Variants in TBC1D30 observed in about 807,000 individuals in gnomAD.
TBC1D30 encodes TBC1 domain family member 30.
TBC1D30 carries 31 observed loss-of-function variants against 63.2 expected under a neutral mutation model. The observed-to-expected ratio is 0.49, with a 90% confidence interval of 0.37 to 0.66. The LOEUF is 0.66. TBC1D30 is among the 30% of genes least tolerant of loss of function. The pLI is 0.00. For synonymous variants in TBC1D30, 307 were observed against 361.5 expected, an observed-to-expected ratio of 0.85 and a Z score of 1.71; for missense variants, 810 against 953.6, an observed-to-expected ratio of 0.85 and a Z score of 1.98.
upstream of TBC1D30, among the ~76,000 whole-genome samples, chr12:64,821,742 A>G (rs1191700285): frequency 6.6e-6 from 1 of 152,244 alleles, no homozygotes; most frequent in African/African-American, 2.4e-5. Context: ...ATTAAAATTA[A>G]TACAAAGCTG....
intron 2 of TBC1D30, among the ~76,000 whole-genome samples, chr12:64,786,580 A>T (rs2136296935): frequency 6.6e-6 from 1 of 152,172 alleles, no homozygotes; most frequent in East Asian, 1.9e-4. Flanking sequence ...ATCTCAGGTG[A>T]TTCACCCTTC....
chr12:64,864,269 A>G (rs2136458379), intron 8 of TBC1D30, among the ~76,000 whole-genome samples: 1 of 152,362 alleles, frequency 6.6e-6, no homozygotes, highest in East Asian at 1.9e-4. Flanking sequence ...TTAAATGTCT[A>G]AAAATCATCT....
At chr12:64,806,713 G>T (rs1344475390) in intron 2 of TBC1D30, among the ~76,000 whole-genome samples, 2 of 152,194 alleles carry the variant, frequency 1.3e-5, no homozygotes, top group African/African-American at 4.8e-5. Flanking sequence ...GTCTCAAAGA[G>T]ATATTTGCAC....
intron 5 of TBC1D30, among the ~76,000 whole-genome samples, chr12:64,835,042 TG>T (rs1203655245): frequency 6.6e-6 from 1 of 152,066 alleles, no homozygotes; most frequent in African/African-American, 2.4e-5. Flanking sequence ...ATCCATAGAG[TG>T]CTAGGTTCCT....
chr12:64,815,453 T>A (rs1187633791), intron 2 of TBC1D30, among the ~76,000 whole-genome samples: 1 of 152,206 alleles, frequency 6.6e-6, no homozygotes, highest in African/African-American at 2.4e-5. Flanking sequence ...AAAAAGACGT[T>A]TTTAAAAGGA....
rs551668207 is a variant in TBC1D30 at position 64,877,584 on chromosome 12, T to C, written c.*1796T>C. On this transcript the variant is annotated 3_prime_UTR_variant, in exon 12 of 12. Transcript: ENST00000539867. Reference sequence around the variant, plus strand: ...AGTTTTGGTCTTGAATTCTGTGCCATCTGAAGTTAGCATCCAGCTTCTTAA... The same window carrying C: ...AGTTTTGGTCTTGAATTCTGTGCCACCTGAAGTTAGCATCCAGCTTCTTAA... The C allele has an allele frequency of 6.6e-6, 1 of 152,300 alleles. No homozygotes were observed. Among genetic ancestry groups the C allele is most frequent in the South Asian group, 2.1e-4 (1 of 4,824 alleles). 9.4% of individuals were successfully genotyped at this position (152,300 alleles called of 1,614,324 possible). A position where few individuals can be genotyped will look rare whatever the true frequency, so the allele number is the denominator to read the frequency against.
chr12:64,765,848 A>AC (rs1870694591), intron 1 of TBC1D30, among the ~76,000 whole-genome samples: 6 of 148,310 alleles, frequency 4.0e-5, no homozygotes, highest in African/African-American at 1.2e-4. Flanking sequence ...AAAAAAAAAA[A>AC]TACAATACAC....
intron 8 of TBC1D30, among the ~76,000 whole-genome samples, chr12:64,853,537 T>C (rs1347189438): frequency 3.3e-5 from 5 of 151,914 alleles, no homozygotes; most frequent in Non-Finnish European, 7.4e-5. Flanking sequence ...CACTGGGGTA[T>C]GAAAAAAAAA....
chr12:64,850,664 G>A (rs1876786098), intron 8 of TBC1D30, among the ~76,000 whole-genome samples: 2 of 152,198 alleles, frequency 1.3e-5, no homozygotes. Flanking sequence ...TGTGCTGCTG[G>A]ATTTGGTTTG....
intron 10 of TBC1D30, among the ~76,000 whole-genome samples, chr12:64,867,184 G>A (rs2136465815): frequency 6.6e-6 from 1 of 152,156 alleles, no homozygotes; most frequent in East Asian, 1.9e-4. Context: ...GTCATTACTA[G>A]GCTGGGTGTG....
intron 2 of TBC1D30, chr12:64,787,292 C>A: frequency 1.3e-6 from 1 of 765,896 alleles, no homozygotes; most frequent in Non-Finnish European, 1.6e-6. Context: ...ATTCTCCATG[C>A]AATAGCCTTA....
intron 2 of TBC1D30, among the ~76,000 whole-genome samples, chr12:64,805,419 TG>T (rs754186353): frequency 4.6e-5 from 7 of 152,200 alleles, no homozygotes; most frequent in African/African-American, 1.7e-4. Context: ...TGAACAGTAT[TG>T]GGCTGTGGGT....
intron 1 of TBC1D30, among the ~76,000 whole-genome samples, chr12:64,761,287 C>T (rs1870501447): frequency 6.6e-6 from 1 of 152,082 alleles, no homozygotes; most frequent in South Asian, 2.1e-4. Flanking sequence ...AGATTATAAA[C>T]TATTTGAGGC....
rs114310003 is a variant in TBC1D30, at chr12:64,853,020, C to T, written c.1038+9535C>T. 6.8e-3 allele frequency among the ~76,000 whole-genome samples: 1,036 copies of T among 152,268 alleles called. 13 individuals are homozygous for T. The highest frequency in any genetic ancestry group is 0.023 in the African/African-American group (938 of 41,562). On this transcript the variant is annotated intron_variant, in intron 8 of 11. Coordinates refer to ENST00000539867, the MANE Select transcript of TBC1D30 (RefSeq NM_015279.2). Reference sequence around the variant, plus strand: ...CCCTTGGTAGAGCTCGAGCACTGTGCGGAGAGATCCACTGCTCTCTTCAGA... The same window carrying T: ...CCCTTGGTAGAGCTCGAGCACTGTGTGGAGAGATCCACTGCTCTCTTCAGA...
Position 64,875,057 on chromosome 12 carries a change from A to G in TBC1D30, c.1555A>G (p.Asn519Asp). 6.5e-7 allele frequency: 1 copy of G among 1,536,770 alleles called. No homozygotes were observed. Among genetic ancestry groups the G allele is most frequent in the Non-Finnish European group, 8.7e-7 (1 of 1,147,052 alleles). ...TCAGGTAAACAGTTCTCCAGTTATA[A>G]ACCACCTTCTTTTAGGAAAGAAGAT... Reference protein sequence around the residue: ...PSQVNSSPVINHLLLGKKMKM... With the variant: ...PSQVNSSPVIDHLLLGKKMKM... Residue 519 changes from asparagine to aspartate, a missense_variant, in exon 12 of 12, where the codon AAC becomes GAC. Physicochemically the swap from Asn to Asp is conservative, Grantham distance 23. Transcript: ENST00000539867.
At chr12:64,792,001 C>T (rs1435791087) in intron 2 of TBC1D30, among the ~76,000 whole-genome samples, 1 of 152,124 alleles carries the variant, frequency 6.6e-6, no homozygotes, top group Non-Finnish European at 1.5e-5. Flanking sequence ...CATAACTTTT[C>T]ACATTTGCAG....
chr12:64,791,499 T>TTTG (rs763200771), intron 2 of TBC1D30, among the ~76,000 whole-genome samples: 2 of 152,012 alleles, frequency 1.3e-5, no homozygotes, highest in South Asian at 2.1e-4. Context: ...CAAGTGATGT[T>TTTG]TTGTTGTTGT....
chr12:64,866,967 T>G, intron 10 of TBC1D30, 64 bp downstream of exon 10: 1 of 1,505,166 alleles, frequency 6.6e-7, no homozygotes, highest in South Asian at 1.2e-5. Flanking sequence ...AAGAGTGATA[T>G]TGTGTCCTAT....
At chr12:64,872,293 G>T (rs1039125420) in intron 11 of TBC1D30, among the ~76,000 whole-genome samples, 5 of 152,180 alleles carry the variant, frequency 3.3e-5, no homozygotes, top group Non-Finnish European at 5.9e-5. Context: ...CTCCCAAAGT[G>T]CTGGGATTAC....
Sources: allele counts gnomAD v4.1 joint callset (sites outside exome capture counted in the v4.1 genomes callset), GRCh38; gene constraint gnomAD v4.1.1; transcripts MANE v1.5; gene names NCBI Gene and HGNC (gene_info 2026-07-23, HGNC 2026-07-21).